Variants in KCNQ3 observed in about 807,000 individuals in gnomAD.
KCNQ3 encodes potassium voltage-gated channel subfamily KQT member 3.
KCNQ3 carries 30 observed loss-of-function variants against 92.5 expected under a neutral mutation model. That is an observed-to-expected ratio of 0.32 (90% confidence interval 0.24 to 0.44). KCNQ3 has a LOEUF of 0.44. KCNQ3 is among the 20% of genes least tolerant of loss of function. The pLI is 1.00. For missense variants in KCNQ3, 913 were observed against 1,140.3 expected (o/e 0.80, Z 2.87); for synonymous variants, 450 against 468.8 (o/e 0.96, Z 0.52).
At chr8:132,278,305 G>T in intron 1 of KCNQ3, 1 of 555,146 alleles carries the variant, frequency 1.8e-6, no homozygotes, top group Non-Finnish European at 2.3e-6. Context: ...ATGGCCAAAG[G>T]AAAAAAAAAG....
intron 8 of KCNQ3, among the ~76,000 whole-genome samples, chr8:132,169,277 C>G (rs759291878): frequency 1.3e-5 from 2 of 152,150 alleles, no homozygotes; most frequent in Non-Finnish European, 2.9e-5. Context: ...GAGGCCAGAT[C>G]TACTTTGCAC....
chr8:132,260,356 G>T (rs530120385), intron 1 of KCNQ3, among the ~76,000 whole-genome samples: 3 of 152,240 alleles, frequency 2.0e-5, no homozygotes, highest in East Asian at 1.9e-4. Context: ...TACTAAACAA[G>T]GTTCTACGTG....
rs1825289054 is a variant in KCNQ3, at chr8:132,141,305, A to G, written c.1289T>C (p.Val430Ala). 1 of 1,614,196 alleles carries G rather than the reference A, an allele frequency of 6.2e-7. No homozygotes were observed. The highest frequency in any genetic ancestry group is 8.5e-7 in the Non-Finnish European group (1 of 1,180,034). The part of the protein sequence containing the change: ...SSQKLGLLDR[V>A]RLSNPRGSNT... ...GCTACCACGAGGATTAGAAAGGCGAACCCGATCCAAGAGACCCAGCTTTTG... is the reference window on the plus strand; with the variant it reads ...GCTACCACGAGGATTAGAAAGGCGAGCCCGATCCAAGAGACCCAGCTTTTG... Residue 430 changes from valine to alanine, a missense_variant, in exon 10 of 15, where the codon GTT becomes GCT. Around this residue, in one of 6 missense-constraint regions of KCNQ3, gnomAD observed 182 missense variants for 234.5 expected, o/e 0.78. Transcript: ENST00000388996.
intron 1 of KCNQ3, among the ~76,000 whole-genome samples, chr8:132,187,950 GGTT>G (rs1827053871): frequency 2.2e-5 from 3 of 137,514 alleles, no homozygotes; most frequent in African/African-American, 5.7e-5. Flanking sequence ...TGGTGGTGGT[GGTT>G]GTGATGATGG....
chr8:132,263,234 C>G (rs1453680726), intron 1 of KCNQ3, among the ~76,000 whole-genome samples: 1 of 152,186 alleles, frequency 6.6e-6, no homozygotes, highest in Non-Finnish European at 1.5e-5. Context: ...ACAGCTCTGT[C>G]CCTGGCAACT....
intron 1 of KCNQ3, among the ~76,000 whole-genome samples, chr8:132,191,055 G>C (rs1308259722): frequency 1.3e-5 from 2 of 152,330 alleles, no homozygotes; most frequent in Admixed American, 6.5e-5. Flanking sequence ...TGAAATTAAA[G>C]GCAAGGGATA....
At chr8:132,185,485 C>A (rs897212885) in intron 2 of KCNQ3, among the ~76,000 whole-genome samples, 1 of 152,262 alleles carries the variant, frequency 6.6e-6, no homozygotes, top group Non-Finnish European at 1.5e-5. Context: ...CCCATGTCTG[C>A]ATTTGCTGCT....
intron 1 of KCNQ3, among the ~76,000 whole-genome samples, chr8:132,409,160 T>C (rs1288457629): frequency 6.6e-6 from 1 of 152,220 alleles, no homozygotes; most frequent in Non-Finnish European, 1.5e-5. Context: ...TATATTGTTT[T>C]CAAGACTACA....
chr8:132,466,505 T>C (rs1822175347), intron 1 of KCNQ3, among the ~76,000 whole-genome samples: 1 of 152,164 alleles, frequency 6.6e-6, no homozygotes, highest in South Asian at 2.1e-4. Context: ...TGGCTGGAGT[T>C]CAAGGACCAT....
At chr8:132,203,802 A>C (rs1353076471) in intron 1 of KCNQ3, among the ~76,000 whole-genome samples, 1 of 152,216 alleles carries the variant, frequency 6.6e-6, no homozygotes, top group Non-Finnish European at 1.5e-5. Flanking sequence ...TAAAATGTTT[A>C]GTCTAGTGCT....
chr8:132,187,833 TGTGGTGGTGGTGGTGGTAGTGATG>T, intron 1 of KCNQ3, among the ~76,000 whole-genome samples: 1 of 77,240 alleles, frequency 1.3e-5, no homozygotes, highest in South Asian at 4.2e-4. Flanking sequence ...TGGTGGTGAT[TGTGGTGGTGGTGGTGGTAGTGATG>T]GTGGTGGTGG....
intron 4 of KCNQ3, among the ~76,000 whole-genome samples, chr8:132,176,789 G>A (rs1041693500): frequency 2.0e-5 from 3 of 152,192 alleles, no homozygotes; most frequent in Non-Finnish European, 4.4e-5. Flanking sequence ...GTTCAGCTGT[G>A]GTTCCTTTAT....
chr8:132,423,804 C>A (rs1175816066), intron 1 of KCNQ3, among the ~76,000 whole-genome samples: 1 of 152,122 alleles, frequency 6.6e-6, no homozygotes, highest in Non-Finnish European at 1.5e-5. Context: ...TCAGGTGGAG[C>A]CTCACCCGGA....
At chr8:132,219,718 G>A (rs1391241217) in intron 1 of KCNQ3, among the ~76,000 whole-genome samples, 1 of 151,876 alleles carries the variant, frequency 6.6e-6, no homozygotes. Flanking sequence ...TTCAAGAAAG[G>A]ACAAGCCACT....
chr8:132,389,329 T>C (rs1819987093), intron 1 of KCNQ3, among the ~76,000 whole-genome samples: 1 of 152,130 alleles, frequency 6.6e-6, no homozygotes, highest in Admixed American at 6.6e-5. Flanking sequence ...TGGTGGCACA[T>C]GCCTGTAATC....
At chr8:132,355,548 A>G (rs548318681) in intron 1 of KCNQ3, among the ~76,000 whole-genome samples, 1 of 152,160 alleles carries the variant, frequency 6.6e-6, no homozygotes, top group East Asian at 1.9e-4. Context: ...TAAGAGGAAG[A>G]GCCCAAAACA....
At chr8:132,366,319 T>A (rs1392427318) in intron 1 of KCNQ3, among the ~76,000 whole-genome samples, 2 of 152,210 alleles carry the variant, frequency 1.3e-5, no homozygotes, top group African/African-American at 4.8e-5. Flanking sequence ...CTTGCCCCCT[T>A]ATTGAGTCTC....
rs1824787835 is a variant in KCNQ3, at chr8:132,129,555, G to T, written c.2326C>A (p.Pro776Thr). Reference sequence around the variant, plus strand: ...CGCGTGATGCTACGTCTCTGCCGGGGGGAGATTCGGTCCGAGTAGGGGCCC... The same window carrying T: ...CGCGTGATGCTACGTCTCTGCCGGGTGGAGATTCGGTCCGAGTAGGGGCCC... ...LQGPYSDRISPRQRRSITRDS... is the reference protein window; with the variant it reads ...LQGPYSDRISTRQRRSITRDS... Residue 776 changes from proline (P) to threonine (T), a missense_variant, in exon 15 of 15, where the codon CCC becomes ACC. By Grantham distance (38) the Pro-to-Thr change is conservative. Around this residue, in one of 6 missense-constraint regions of KCNQ3, gnomAD observed 375 missense variants for 376.4 expected, o/e 1.00. Transcript: ENST00000388996. This position sits in a 1 kb window ranked among gnomAD's most constrained non-coding sequence, Gnocchi z 5.9. 6.2e-7 allele frequency: 1 copy of T among 1,614,216 alleles called. No homozygotes were observed. Among genetic ancestry groups the T allele is most frequent in the Non-Finnish European group, 8.5e-7 (1 of 1,180,040 alleles).
At chr8:132,240,336 G>A (rs1016260241) in intron 1 of KCNQ3, among the ~76,000 whole-genome samples, 24 of 152,014 alleles carry the variant, frequency 1.6e-4, no homozygotes, top group East Asian at 9.7e-4. Context: ...ACAGGCATGC[G>A]CCACCATGCC....
Sources: allele counts gnomAD v4.1 joint callset (sites outside exome capture counted in the v4.1 genomes callset), GRCh38; gene constraint gnomAD v4.1.1; regional missense constraint gnomAD v4.1.1; non-coding constraint Gnocchi (gnomAD v3.1); transcripts MANE v1.5; gene names NCBI Gene and HGNC (gene_info 2026-07-23, HGNC 2026-07-21).